CFDP1: variants seen among roughly 807,000 people sequenced by gnomAD.
The protein encoded by CFDP1 is heterochromatin-stabilizing protein CFDP1.
Under a neutral mutation model 40.1 loss-of-function variants are expected in CFDP1, and 31 were observed. That is an observed-to-expected ratio of 0.77 (90% CI 0.58 to 1.04). The LOEUF is 1.04. CFDP1 is among the 50% of genes least tolerant of loss of function. The probability of loss-of-function intolerance (pLI) is 0.00; values close to 1 mark genes in which losing one functional copy is unlikely to be tolerated. For missense variants in CFDP1, 423 were observed against 343.4 expected (o/e 1.23, Z -1.83); for synonymous variants, 167 against 120.0 (o/e 1.39, Z -2.56).
At chr16:75,415,384 A>G (rs978200717) in intron 1 of CFDP1, among the ~76,000 whole-genome samples, 3 of 152,196 alleles carry the variant, frequency 2.0e-5, no homozygotes, top group Admixed American at 2.0e-4. Flanking sequence ...TGAAGTGTAC[A>G]TACCAAAAAG....
intron 5 of CFDP1, among the ~76,000 whole-genome samples, chr16:75,361,365 C>T (rs1172768872): frequency 6.6e-6 from 1 of 152,030 alleles, no homozygotes; most frequent in Non-Finnish European, 1.5e-5. Flanking sequence ...ACCTGTAATC[C>T]CAGCACTCTG....
At chr16:75,333,677 T>G (rs756951819) in intron 5 of CFDP1, among the ~76,000 whole-genome samples, 6 of 152,210 alleles carry the variant, frequency 3.9e-5, no homozygotes, top group Admixed American at 6.5e-5. Flanking sequence ...GCTGTTCTGC[T>G]GAGCCAACGG....
chr16:75,313,187 T>C (rs1684529635), intron 5 of CFDP1, among the ~76,000 whole-genome samples: 1 of 152,212 alleles, frequency 6.6e-6, no homozygotes, highest in South Asian at 2.1e-4. Flanking sequence ...CTACGTTTGA[T>C]AAGTGTTAGG....
At chr16:75,364,527 G>A (rs1363746694) in intron 5 of CFDP1, among the ~76,000 whole-genome samples, 1 of 152,192 alleles carries the variant, frequency 6.6e-6, no homozygotes, top group Non-Finnish European at 1.5e-5. Flanking sequence ...GATTTTTCCA[G>A]AGGCTACATG....
chr16:75,393,280 C>G (rs2078967662), intron 5 of CFDP1, among the ~76,000 whole-genome samples: 1 of 152,182 alleles, frequency 6.6e-6, no homozygotes, highest in African/African-American at 2.4e-5. Flanking sequence ...TCTTTCCTCT[C>G]TTGTACCTCT....
intron 5 of CFDP1, among the ~76,000 whole-genome samples, chr16:75,319,169 G>C (rs540244927): frequency 6.6e-6 from 1 of 152,102 alleles, no homozygotes; most frequent in Admixed American, 6.6e-5. Flanking sequence ...TCAGACTCCT[G>C]AGTAGCTGGG....
At chr16:75,316,722 C>A (rs1002375649) in intron 5 of CFDP1, among the ~76,000 whole-genome samples, 1 of 152,154 alleles carries the variant, frequency 6.6e-6, no homozygotes, top group African/African-American at 2.4e-5. Flanking sequence ...GTAATCCTAG[C>A]ACTTTGGGAG....
intron 6 of CFDP1, among the ~76,000 whole-genome samples, chr16:75,300,694 A>G (rs895423375): frequency 1.3e-5 from 2 of 152,122 alleles, no homozygotes; most frequent in African/African-American, 4.8e-5. Flanking sequence ...TGGTTTTGAA[A>G]GTTAAGTTTG....
chr16:75,431,902 A>T (rs1201216609), intron 1 of CFDP1, among the ~76,000 whole-genome samples: 2 of 145,260 alleles, frequency 1.4e-5, no homozygotes, highest in Admixed American at 7.6e-5. Context: ...GGGTGATGGG[A>T]CTGGCTAACT....
At chr16:75,306,180 C>G (rs1465053259) in intron 5 of CFDP1, among the ~76,000 whole-genome samples, 1 of 152,208 alleles carries the variant, frequency 6.6e-6, no homozygotes, top group Admixed American at 6.5e-5. Context: ...GTCACATGGT[C>G]TACTGATAAT....
At chr16:75,414,782 G>A (rs998202288) in intron 1 of CFDP1, 87 bp from the exon 2 acceptor site, 22 of 832,086 alleles carry the variant, frequency 2.6e-5, no homozygotes, top group Non-Finnish European at 3.9e-5. Context: ...CTTTCACACC[G>A]AGACATTTTC....
chr16:75,294,912 G>A (rs1037098864), intron 6 of CFDP1, among the ~76,000 whole-genome samples: 4 of 152,204 alleles, frequency 2.6e-5, no homozygotes, highest in African/African-American at 9.6e-5. Flanking sequence ...TAGGAGTGAG[G>A]CTGGCTGCTT....
At chr16:75,409,660 G>A (rs79825589) in intron 4 of CFDP1, among the ~76,000 whole-genome samples, 2,367 of 152,132 alleles carry the variant, frequency 0.016, 60 homozygotes, top group African/African-American at 0.053. Flanking sequence ...GCCCTTGGTC[G>A]TAGGAGACAC....
At chr16:75,361,592 G>C (rs1382843036) in intron 5 of CFDP1, among the ~76,000 whole-genome samples, 2 of 151,982 alleles carry the variant, frequency 1.3e-5, no homozygotes, top group East Asian at 3.9e-4. Flanking sequence ...ACTCCAGCCT[G>C]GGCAACAGAG....
At chr16:75,402,269 G>A (rs1475848959) in intron 4 of CFDP1, among the ~76,000 whole-genome samples, 3 of 152,178 alleles carry the variant, frequency 2.0e-5, no homozygotes, top group Admixed American at 6.5e-5. Context: ...TAATTCAAGT[G>A]TTCTCAACAG....
intron 5 of CFDP1, among the ~76,000 whole-genome samples, chr16:75,344,114 C>T (rs2078545702): frequency 6.6e-6 from 1 of 152,128 alleles, no homozygotes; most frequent in African/African-American, 2.4e-5. Flanking sequence ...AAAACCCAAC[C>T]GATGAATTGC....
At chr16:75,297,195 T>TGTGTG (rs1491320265) in intron 6 of CFDP1, among the ~76,000 whole-genome samples, 96 of 150,062 alleles carry the variant, frequency 6.4e-4, no homozygotes, top group Middle Eastern at 3.4e-3. Context: ...TGTGTGTGTG[T>TGTGTG]TTTTAGTAGA....
intron 4 of CFDP1, among the ~76,000 whole-genome samples, chr16:75,407,591 G>A (rs1439859979): frequency 7.0e-6 from 1 of 143,132 alleles, no homozygotes; most frequent in South Asian, 2.2e-4. Flanking sequence ...GAGGTCGGGG[G>A]AAATCAACTG....
At chr16:75,352,508 C>T (rs1439279931) in intron 5 of CFDP1, among the ~76,000 whole-genome samples, 5 of 152,082 alleles carry the variant, frequency 3.3e-5, no homozygotes, top group Non-Finnish European at 2.9e-5. Context: ...AATTAGACTG[C>T]CATCATTTCA....
Sources: gnomAD v4.1 joint callset for allele counts (sites outside exome capture counted in the v4.1 genomes callset) on GRCh38, gnomAD v4.1.1 for gene constraint, MANE v1.5 for transcripts, NCBI Gene and HGNC (gene_info 2026-07-23, HGNC 2026-07-21) for gene names.